Variants in MAP4 observed in about 807,000 individuals in gnomAD.
The protein encoded by MAP4 is microtubule-associated protein 4.
MAP4 carries 76 observed loss-of-function variants against 170.2 expected under a neutral mutation model. That is an observed-to-expected ratio of 0.45 (90% CI 0.37 to 0.54). The LOEUF (loss-of-function observed/expected upper bound fraction) is 0.54, where lower values mean the gene tolerates loss of function less well. Among genes scored for constraint, MAP4 ranks in the 20% least tolerant of loss-of-function variants. The pLI is 0.00. For synonymous variants in MAP4, 909 were observed against 994.5 expected, an observed-to-expected ratio of 0.91 and a Z score of 1.62; for missense variants, 2,506 against 2,748.0, an observed-to-expected ratio of 0.91 and a Z score of 1.97.
At chr3:48,082,464 C>T (rs2100147084) in intron 1 of MAP4, among the ~76,000 whole-genome samples, 2 of 152,146 alleles carry the variant, frequency 1.3e-5, no homozygotes, top group South Asian at 4.1e-4. Flanking sequence ...AATTAAAAAG[C>T]AGAACAACAG....
In MAP4 at chr3:47,911,098, T is replaced by C. The variant is rs1359571328; in HGVS notation, c.3323A>G (p.Glu1108Gly). 2.0e-6 allele frequency: 3 copies of C among 1,536,134 alleles called. No homozygotes were observed. Among genetic ancestry groups the C allele is most frequent in the Admixed American group, 2.0e-5 (1 of 51,002 alleles). The change falls in exon 9 of 21, where the codon GAA becomes GGA. Residue 1108 changes from glutamate to glycine, a missense_variant. Glu to Gly is a moderately conservative substitution (Grantham distance 98, BLOSUM62 -2). Around this residue, in one of 3 missense-constraint regions of MAP4, gnomAD observed 2,008 missense variants for 2,206.0 expected, o/e 0.91. Coordinates refer to ENST00000683076, the MANE Select transcript of MAP4 (RefSeq NM_001385682.1). This position sits in a 1 kb window ranked among gnomAD's most constrained non-coding sequence, Gnocchi z 4.0. ...ACTCTTATCCTGAGTAGTCATTCCT[T>C]CAGTTTTAGAGACTGGCTCACTCGG... Reference protein sequence around the residue: ...LIPSEPVSKTEGMTTQDKSEE... With the variant: ...LIPSEPVSKTGGMTTQDKSEE...
At chr3:48,057,959 G>C (rs2154555865) in intron 1 of MAP4, among the ~76,000 whole-genome samples, 1 of 152,230 alleles carries the variant, frequency 6.6e-6, no homozygotes, top group South Asian at 2.1e-4. Flanking sequence ...TAAATATTTA[G>C]ACTTAAGGCT....
chr3:47,891,839 C>T (rs2100024178), intron 10 of MAP4: 1 of 1,536,246 alleles, frequency 6.5e-7, no homozygotes, highest in East Asian at 2.4e-5. Flanking sequence ...ATTTACCACC[C>T]CAATCACTGG....
intron 1 of MAP4, among the ~76,000 whole-genome samples, chr3:48,021,645 C>T (rs1205266574): frequency 1.3e-5 from 2 of 152,334 alleles, no homozygotes; most frequent in Non-Finnish European, 2.9e-5. Flanking sequence ...CACGCCCGGC[C>T]TAATCTATAG....
chr3:47,891,265 C>A, intron 10 of MAP4: 1 of 1,536,332 alleles, frequency 6.5e-7, no homozygotes, highest in African/African-American at 1.4e-5. Context: ...GTTCCTTCTT[C>A]CCAGAGTTGC....
intron 11 of MAP4, 24 bp downstream of exon 11, chr3:47,877,393 G>A: frequency 1.3e-6 from 2 of 1,553,866 alleles, no homozygotes; most frequent in Non-Finnish European, 1.8e-6. Flanking sequence ...GGCAGTAGAA[G>A]ATAACCACCA....
chr3:47,957,910 A>T (rs142721699), intron 3 of MAP4, among the ~76,000 whole-genome samples: 3 of 152,212 alleles, frequency 2.0e-5, no homozygotes, highest in African/African-American at 7.2e-5. Context: ...ACTCACTATT[A>T]TATCTAGCAA....
At chr3:47,860,825 T>A (rs2064340191) in intron 17 of MAP4, among the ~76,000 whole-genome samples, 1 of 152,038 alleles carries the variant, frequency 6.6e-6, no homozygotes, top group Non-Finnish European at 1.5e-5. Flanking sequence ...TAAAGAAAAT[T>A]GAGGGACAAC....
chr3:48,060,653 C>T (rs1184324951), intron 1 of MAP4, among the ~76,000 whole-genome samples: 1 of 151,954 alleles, frequency 6.6e-6, no homozygotes, highest in African/African-American at 2.4e-5. Context: ...GTGGCTCACG[C>T]CTATAATCCC....
At chr3:47,972,842 T>C (rs938637275) in intron 3 of MAP4, among the ~76,000 whole-genome samples, 1 of 150,322 alleles carries the variant, frequency 6.7e-6, no homozygotes, top group Non-Finnish European at 1.5e-5. Context: ...GCCGAGATCA[T>C]GCCACTGCAC....
Position 47,890,693 on chromosome 3 carries a change from G to A in MAP4, c.5434+12257C>T, listed in dbSNP as rs190875087. Among the ~76,000 whole-genome samples, 11 of 152,230 alleles carry A rather than the reference G, an allele frequency of 7.2e-5. No individual in the cohort carries two copies. In the East Asian group the frequency reaches 2.1e-3, roughly 29 times the overall value. On this transcript the variant is annotated intron_variant, in intron 10 of 20. Coordinates refer to ENST00000683076, the MANE Select transcript of MAP4 (RefSeq NM_001385682.1). ...GGGAGCTGAGGGCTGGGTGGATGGG[G>A]GATGGGTTGGACAGGGTGACATGAG...
intron 1 of MAP4, among the ~76,000 whole-genome samples, chr3:48,002,536 C>A (rs1236236429): frequency 1.3e-5 from 2 of 151,952 alleles, no homozygotes; most frequent in African/African-American, 4.8e-5. Flanking sequence ...CCACTGTACT[C>A]CAGCCTGGGT....
chr3:48,075,974 C>CAAAAAAAA (rs60556044), intron 1 of MAP4, among the ~76,000 whole-genome samples: 3 of 47,518 alleles, frequency 6.3e-5, no homozygotes, highest in Admixed American at 2.3e-4. Context: ...AACTCCATCT[C>CAAAAAAAA]AAAAAAAAAA....
intron 10 of MAP4, among the ~76,000 whole-genome samples, chr3:47,901,904 A>C (rs951232399): frequency 1.3e-5 from 2 of 152,150 alleles, no homozygotes; most frequent in African/African-American, 4.8e-5. Flanking sequence ...TCACACCTAG[A>C]ATCTCAGCAC....
At chr3:47,970,468 G>T (rs554347793) in intron 3 of MAP4, among the ~76,000 whole-genome samples, 1 of 151,320 alleles carries the variant, frequency 6.6e-6, no homozygotes. Flanking sequence ...CCAGCCTGGG[G>T]AACAAGAGCA....
At chr3:48,011,778 ACTATTCAGTTGCTTTT>A (rs2100105398) in intron 1 of MAP4, among the ~76,000 whole-genome samples, 1 of 152,208 alleles carries the variant, frequency 6.6e-6, no homozygotes, top group South Asian at 2.1e-4. Flanking sequence ...ATGAAAAGCA[ACTATTCAGTTGCTTTT>A]ACTATTCGGT....
At chr3:48,034,490 G>A (rs1242662641) in intron 1 of MAP4, among the ~76,000 whole-genome samples, 1 of 151,032 alleles carries the variant, frequency 6.6e-6, no homozygotes, top group African/African-American at 2.4e-5. Flanking sequence ...ATTACTTGAG[G>A]TCAGGAGTTC....
intron 3 of MAP4, among the ~76,000 whole-genome samples, chr3:47,932,412 CG>C (rs2100050388): frequency 6.6e-6 from 1 of 152,080 alleles, no homozygotes; most frequent in Non-Finnish European, 1.5e-5. Context: ...TTTGTGGGAA[CG>C]TGTTTCAATT....
rs762632825 is a variant in MAP4 at position 47,914,823 on chromosome 3, T to C, written c.1993A>G (p.Thr665Ala). The C allele has an allele frequency of 7.4e-6, 12 of 1,614,042 alleles. No individual in the cohort carries two copies. In the Admixed American group the frequency reaches 1.8e-4, roughly 25 times the overall value. ...NSQPSELSSE[T>A]SANFMYCGTP... ...TTTTGTTTTCCTAACTTACCTGAGG[T>C]CTCTGAAGAAAGCTCAGAAGGTTGA... The change falls in exon 8 of 21, where the codon ACC (threonine) becomes GCC (alanine). Residue 665 changes from threonine (T) to alanine (A), a missense_variant. By Grantham distance (58) the Thr-to-Ala change is moderately conservative. Around this residue, in one of 3 missense-constraint regions of MAP4, gnomAD observed 2,008 missense variants for 2,206.0 expected, o/e 0.91. Transcript: ENST00000683076.
Sources: allele counts gnomAD v4.1 joint callset (sites outside exome capture counted in the v4.1 genomes callset), GRCh38; gene constraint gnomAD v4.1.1; regional missense constraint gnomAD v4.1.1; non-coding constraint Gnocchi (gnomAD v3.1); transcripts MANE v1.5; gene names NCBI Gene and HGNC (gene_info 2026-07-23, HGNC 2026-07-21).